CTCF: variants seen among roughly 807,000 people sequenced by gnomAD.
CTCF encodes the protein CCCTC-binding factor.
Under a neutral mutation model 72.3 loss-of-function variants are expected in CTCF, and 7 were observed. The ratio of observed to expected loss-of-function variants is 0.10; its 90% CI spans 0.06 to 0.18. CTCF has a LOEUF of 0.18. Ranked by LOEUF, CTCF falls within the 10% of genes least tolerant of loss-of-function variation. The probability of loss-of-function intolerance (pLI) is 1.00; values close to 1 mark genes in which losing one functional copy is unlikely to be tolerated. For synonymous variants in CTCF, 374 were observed against 315.8 expected, an observed-to-expected ratio of 1.18 and a Z score of -1.95; for missense variants, 516 against 949.1, an observed-to-expected ratio of 0.54 and a Z score of 6.00.
intron 2 of CTCF, among the ~76,000 whole-genome samples, chr16:67,578,325 C>CTTTTTT (rs944395345): frequency 2.5e-4 from 21 of 84,476 alleles, no homozygotes; most frequent in South Asian, 4.5e-4. Context: ...GTTTATGTAT[C>CTTTTTT]TTTTTTTTTT....
At chr16:67,591,478 C>G (rs1340595051) in intron 2 of CTCF, among the ~76,000 whole-genome samples, 3 of 152,172 alleles carry the variant, frequency 2.0e-5, no homozygotes, top group African/African-American at 7.2e-5. Context: ...TTATTGTAGT[C>G]TACAACTTTC....
chr16:67,580,742 G>T (rs919403895), intron 2 of CTCF, among the ~76,000 whole-genome samples: 1 of 142,238 alleles, frequency 7.0e-6, no homozygotes, highest in African/African-American at 2.7e-5. Flanking sequence ...TGTACTTTTA[G>T]TAGAGGCACC....
chr16:67,601,294 C>CGTGTGT (rs58241150), intron 2 of CTCF, among the ~76,000 whole-genome samples: 2,099 of 98,648 alleles, frequency 0.021, 28 homozygotes, highest in Middle Eastern at 0.037. Context: ...ACTCTGTCAC[C>CGTGTGT]GTGTGTGTGT....
At chr16:67,563,061 C>T (rs2051298796) in intron 1 of CTCF, among the ~76,000 whole-genome samples, 1 of 151,392 alleles carries the variant, frequency 6.6e-6, no homozygotes, top group South Asian at 2.1e-4. Context: ...TCTTGGCCGG[C>T]CGATCGCCCG....
At chr16:67,587,052 C>G (rs943794500) in intron 2 of CTCF, among the ~76,000 whole-genome samples, 9 of 151,028 alleles carry the variant, frequency 6.0e-5, no homozygotes, top group Non-Finnish European at 2.9e-5. Context: ...CTGTGCCTGG[C>G]CTGCTACTTG....
At chr16:67,619,706 C>G (rs1157292219) in intron 5 of CTCF, among the ~76,000 whole-genome samples, 1 of 152,124 alleles carries the variant, frequency 6.6e-6, no homozygotes, top group Non-Finnish European at 1.5e-5. Context: ...TCAGCTGCTC[C>G]TCACGTAGCT....
At chr16:67,631,673 C>G (rs1226674401) in intron 10 of CTCF, among the ~76,000 whole-genome samples, 5 of 56,736 alleles carry the variant, frequency 8.8e-5, no homozygotes, top group Non-Finnish European at 1.7e-4. Flanking sequence ...GTAACAAGGT[C>G]CCCCCCACCC....
chr16:67,614,662 A>G (rs1013639776), intron 4 of CTCF: 5 of 152,292 alleles, frequency 3.3e-5, no homozygotes, highest in African/African-American at 4.8e-5. Context: ...AGCCTGACCA[A>G]CATGGGGAAA....
At chr16:67,565,617 GA>G (rs2051332984) in intron 1 of CTCF, among the ~76,000 whole-genome samples, 1 of 148,412 alleles carries the variant, frequency 6.7e-6, no homozygotes, top group African/African-American at 2.5e-5. Context: ...AGGTTGCAGT[GA>G]GCCGAGATTG....
chr16:67,593,980 A>G (rs904542828), intron 2 of CTCF, among the ~76,000 whole-genome samples: 5 of 152,328 alleles, frequency 3.3e-5, no homozygotes, highest in Admixed American at 6.5e-5. Context: ...AGTCATAATC[A>G]TAGGTGATAA....
At chr16:67,580,895 C>T (rs972058602) in intron 2 of CTCF, among the ~76,000 whole-genome samples, 7 of 150,960 alleles carry the variant, frequency 4.6e-5, no homozygotes, top group Non-Finnish European at 2.9e-5. Context: ...GGATTACAGG[C>T]GTGAGCCACC....
chr16:67,629,745 CCTTTTT>C (rs2052338155), intron 10 of CTCF, among the ~76,000 whole-genome samples: 1 of 85,030 alleles, frequency 1.2e-5, no homozygotes, highest in Non-Finnish European at 2.3e-5. Context: ...TCATTAATGC[CCTTTTT>C]TTTTTTTTTT....
At chr16:67,566,515 T>TA (rs377253111) in intron 1 of CTCF, among the ~76,000 whole-genome samples, 17,878 of 76,298 alleles carry the variant, frequency 0.23, 1,798 homozygotes, top group Non-Finnish European at 0.31. Flanking sequence ...GTCTCAAAAT[T>TA]AAAAAAAAAA....
At chr16:67,604,738 TTTTTTTG>T (rs1189856428) in intron 2 of CTCF, among the ~76,000 whole-genome samples, 2 of 135,856 alleles carry the variant, frequency 1.5e-5, no homozygotes, top group Non-Finnish European at 3.1e-5. Context: ...GGGTTTTTTT[TTTTTTTG>T]TTTTTTGTTT....
chr16:67,601,528 G>C (rs559070023), intron 2 of CTCF, among the ~76,000 whole-genome samples: 1 of 151,774 alleles, frequency 6.6e-6, no homozygotes, highest in Non-Finnish European at 1.5e-5. Flanking sequence ...ATTTCTAGTC[G>C]AGATGGGGTT....
At chr16:67,603,534 A>G (rs1196122732) in intron 2 of CTCF, among the ~76,000 whole-genome samples, 1 of 148,988 alleles carries the variant, frequency 6.7e-6, no homozygotes, top group Non-Finnish European at 1.5e-5. Context: ...CTCCCTCTCA[A>G]AAAAAAAAGG....
At chr16:67,565,949 A>G (rs1170132818) in intron 1 of CTCF, among the ~76,000 whole-genome samples, 1 of 152,200 alleles carries the variant, frequency 6.6e-6, no homozygotes, top group Non-Finnish European at 1.5e-5. Flanking sequence ...CTCCTGGCCA[A>G]AAGTCACCTC....
Position 67,636,870 on chromosome 16 carries a change from C to T in CTCF, c.1999+19C>T. 1 of 1,481,546 alleles carries T rather than the reference C, an allele frequency of 6.7e-7. No individual in the cohort carries two copies. Among genetic ancestry groups the T allele is most frequent in the Admixed American group, 2.2e-5 (1 of 46,206 alleles). 91.8% of individuals were successfully genotyped at this position (1,481,546 alleles called of 1,614,324 possible). A position where few individuals can be genotyped will look rare whatever the true frequency, so the allele number is the denominator to read the frequency against. ...AACCAGCGTAAGTTGTTCATCTCTG[C>T]TCTGGAGGCTGGCGTCTTCTCCGAG... On this transcript the variant is annotated intron_variant, in intron 11 of 11. Coordinates refer to ENST00000264010, the MANE Select transcript of CTCF (RefSeq NM_006565.4).
intron 4 of CTCF, chr16:67,615,251 G>A (rs1027979009): frequency 2.0e-5 from 3 of 152,296 alleles, no homozygotes; most frequent in Admixed American, 6.5e-5. Flanking sequence ...TAATTGCCAC[G>A]CTTATGCAGG....
Sources: gnomAD v4.1 joint callset for allele counts (sites outside exome capture counted in the v4.1 genomes callset) on GRCh38, gnomAD v4.1.1 for gene constraint, MANE v1.5 for transcripts, NCBI Gene and HGNC (gene_info 2026-07-23, HGNC 2026-07-21) for gene names.